The following MGAT4C variants were observed in gnomAD, a reference collection of about 807,000 sequenced individuals.
MGAT4C encodes the protein alpha-1,3-mannosyl-glycoprotein 4-beta-N-acetylglucosaminyltransferase C.
In MGAT4C, 19 loss-of-function variants were observed where a neutral mutation model predicts 40.1. The ratio of observed to expected loss-of-function variants is 0.47; its 90% confidence interval spans 0.33 to 0.70. The LOEUF is 0.70. Among genes scored for constraint, MGAT4C ranks in the 30% least tolerant of loss-of-function variants. MGAT4C has a pLI of 0.02. For missense variants in MGAT4C, 491 were observed against 563.2 expected, an observed-to-expected ratio of 0.87 and a Z score of 1.30; for synonymous variants, 181 against 187.1, an observed-to-expected ratio of 0.97 and a Z score of 0.27.
intron 2 of MGAT4C, among the ~76,000 whole-genome samples, chr12:86,446,682 T>TAC (rs1555190161): frequency 3.5e-5 from 4 of 113,446 alleles, no homozygotes; most frequent in Admixed American, 9.1e-5. Context: ...TATATATATA[T>TAC]ATATATATAT....
At chr12:86,628,728 C>T (rs571401197) in intron 2 of MGAT4C, among the ~76,000 whole-genome samples, 6 of 152,240 alleles carry the variant, frequency 3.9e-5, no homozygotes, top group African/African-American at 1.2e-4. Context: ...GCCCGCCTTA[C>T]AAGAGCTACT....
chr12:86,501,548 T>C (rs2136334315), intron 2 of MGAT4C, among the ~76,000 whole-genome samples: 1 of 127,426 alleles, frequency 7.8e-6, no homozygotes, highest in Middle Eastern at 4.4e-3. Flanking sequence ...GTCATGTCCA[T>C]GTGTTCTCAC....
intron 1 of MGAT4C, among the ~76,000 whole-genome samples, chr12:86,791,362 G>A (rs1226814024): frequency 6.6e-6 from 1 of 151,612 alleles, no homozygotes; most frequent in Non-Finnish European, 1.5e-5. Flanking sequence ...TATCATACAG[G>A]TTTGGTATTT....
intron 2 of MGAT4C, among the ~76,000 whole-genome samples, chr12:86,679,870 A>G (rs1434232828): frequency 6.6e-6 from 1 of 152,094 alleles, no homozygotes; most frequent in African/African-American, 2.4e-5. Flanking sequence ...GTAGCCAGAA[A>G]GGTCCAAGAC....
upstream of MGAT4C, among the ~76,000 whole-genome samples, chr12:86,260,571 T>C (rs1392729120): frequency 2.0e-5 from 3 of 152,132 alleles, no homozygotes; most frequent in Non-Finnish European, 2.9e-5. Flanking sequence ...TGTGTTTCCA[T>C]AGGAAATGAA....
chr12:86,600,263 T>C lies in MGAT4C; in HGVS notation c.-229+126946A>G, dbSNP rs148122929. ...TCAGTTGTGAAAAACTGAAAGCCTA[T>C]TAGTGTGACTGGAGCACAATGAAAT... On this transcript the variant is annotated intron_variant, in intron 2 of 7. Coordinates refer to the MGAT4C transcript ENST00000548651. Among the ~76,000 whole-genome samples the C allele has an allele frequency of 3.0e-3, 461 of 152,282 alleles. 2 individuals carry two copies. Among genetic ancestry groups the C allele is most frequent in the African/African-American group, 0.011 (440 of 41,558 alleles).
rs907485876 is a variant in MGAT4C at position 85,971,678 on chromosome 12, T to C, written c.*7611A>G. The C allele has an allele frequency of 6.6e-6, 1 of 150,848 alleles. No individual in the cohort carries two copies. The highest frequency in any genetic ancestry group is 6.6e-5 in the Admixed American group (1 of 15,104). 9.3% of individuals were successfully genotyped at this position (150,848 alleles called of 1,614,324 possible). ...ATTGTCTTTTGACCCTCTCAGGGAG[T>C]CAAGTTTTGATTTGCTTGAATACAA... On this transcript the variant is annotated 3_prime_UTR_variant, in exon 5 of 5. Coordinates refer to ENST00000611864, the MANE Select transcript of MGAT4C (RefSeq NM_001351288.2).
intron 3 of MGAT4C, among the ~76,000 whole-genome samples, chr12:86,360,508 A>G (rs1190089785): frequency 6.6e-6 from 1 of 152,184 alleles, no homozygotes; most frequent in East Asian, 1.9e-4. Context: ...GGAGAAAGAA[A>G]TAAAGGGTAT....
chr12:86,816,072 C>T (rs1351571161), intron 1 of MGAT4C, among the ~76,000 whole-genome samples: 1 of 151,642 alleles, frequency 6.6e-6, no homozygotes, highest in African/African-American at 2.4e-5. Flanking sequence ...TTTTCCTGAC[C>T]ATGTCCCCCA....
chr12:86,332,670 C>T (rs1052629660), intron 4 of MGAT4C, among the ~76,000 whole-genome samples: 1 of 151,682 alleles, frequency 6.6e-6, no homozygotes, highest in African/African-American at 2.4e-5. Context: ...GTGTGTGAGA[C>T]TTGCTTCAAA....
intron 2 of MGAT4C, among the ~76,000 whole-genome samples, chr12:86,436,704 G>A (rs539357944): frequency 1.0e-3 from 156 of 151,678 alleles, no homozygotes; most frequent in Non-Finnish European, 1.7e-3. Flanking sequence ...ACAATGTATC[G>A]AATATTTTTC....
intron 2 of MGAT4C, among the ~76,000 whole-genome samples, chr12:86,680,309 T>C (rs1272620554): frequency 6.6e-6 from 1 of 152,066 alleles, no homozygotes; most frequent in Non-Finnish European, 1.5e-5. Flanking sequence ...CAATTTATTT[T>C]ATTTTACATT....
At chr12:86,119,228 T>C (rs542789765) in intron 1 of MGAT4C, among the ~76,000 whole-genome samples, 2 of 152,196 alleles carry the variant, frequency 1.3e-5, no homozygotes, top group African/African-American at 4.8e-5. Flanking sequence ...AGTATATATT[T>C]ATATAACAGT....
chr12:86,359,933 C>G (rs890934014), intron 3 of MGAT4C, among the ~76,000 whole-genome samples: 1 of 152,156 alleles, frequency 6.6e-6, no homozygotes, highest in African/African-American at 2.4e-5. Context: ...CCTTCTGAAA[C>G]TATTCCAATT....
chr12:86,702,900 A>G (rs1014644492), intron 2 of MGAT4C, among the ~76,000 whole-genome samples: 2 of 152,234 alleles, frequency 1.3e-5, no homozygotes, highest in Non-Finnish European at 2.9e-5. Context: ...GGCAAAGTAT[A>G]TTGAAAACCT....
chr12:86,571,303 A>G (rs187043651), intron 2 of MGAT4C, among the ~76,000 whole-genome samples: 42 of 152,246 alleles, frequency 2.8e-4, no homozygotes, highest in African/African-American at 1.0e-3. Flanking sequence ...TAAACAATTA[A>G]TTTACTCTAC....
chr12:86,490,455 G>C (rs989276366), intron 2 of MGAT4C, among the ~76,000 whole-genome samples: 1 of 152,094 alleles, frequency 6.6e-6, no homozygotes, highest in East Asian at 1.9e-4. Context: ...ACCGGTACCA[G>C]CCACTGCAAA....
At chr12:86,197,225 TTCATGTA>T (rs1279388049) in intron 1 of MGAT4C, among the ~76,000 whole-genome samples, 5 of 152,226 alleles carry the variant, frequency 3.3e-5, no homozygotes, top group Non-Finnish European at 7.3e-5. Context: ...AGCACCTTTG[TTCATGTA>T]TCTACCAATA....
chr12:86,110,020 C>G (rs1592963479), intron 1 of MGAT4C, among the ~76,000 whole-genome samples: 1 of 151,078 alleles, frequency 6.6e-6, no homozygotes, highest in Non-Finnish European at 1.5e-5. Context: ...GAAGAAAAGT[C>G]ATGGGCAAAG....
Sources: gnomAD v4.1 joint callset for allele counts (sites outside exome capture counted in the v4.1 genomes callset) on GRCh38, gnomAD v4.1.1 for gene constraint, MANE v1.5 for transcripts, NCBI Gene and HGNC (gene_info 2026-07-23, HGNC 2026-07-21) for gene names.